Variants in ZBTB20 observed in about 807,000 individuals in gnomAD.
The protein encoded by ZBTB20 is zinc finger and BTB domain containing 20.
Under a neutral mutation model 56.9 loss-of-function variants are expected in ZBTB20, and 9 were observed. That is an observed-to-expected ratio of 0.16 (90% confidence interval 0.10 to 0.28). ZBTB20 has a LOEUF of 0.28. Among genes scored for constraint, ZBTB20 ranks in the 10% least tolerant of loss-of-function variants. The pLI, the probability that ZBTB20 is intolerant of heterozygous loss-of-function variation, is 1.00. For synonymous variants in ZBTB20, 417 were observed against 420.7 expected, an observed-to-expected ratio of 0.99 and a Z score of 0.11; for missense variants, 655 against 1,003.0, an observed-to-expected ratio of 0.65 and a Z score of 4.69.
intron 5 of ZBTB20, among the ~76,000 whole-genome samples, chr3:114,796,468 A>G (rs997335575): frequency 3.3e-5 from 5 of 152,016 alleles, no homozygotes; most frequent in Admixed American, 6.6e-5. Context: ...ATCTGAACAA[A>G]GGCGACATAA....
chr3:114,350,914 G>T lies in ZBTB20; in HGVS notation c.1164C>A (p.Asp388Glu). 1 of 1,606,194 alleles carries T rather than the reference G, an allele frequency of 6.2e-7. No homozygotes were observed. The highest frequency in any genetic ancestry group is 8.5e-7 in the Non-Finnish European group (1 of 1,179,948). The change falls in exon 11 of 12, where the codon GAC becomes GAA. Residue 388 changes from aspartate (D) to glutamate (E), a missense_variant. By Grantham distance (45) the Asp-to-Glu change is conservative. This residue lies in a region of ZBTB20 where 156 missense variants were observed against 181.0 expected (regional missense o/e 0.86). Transcript: ENST00000675478. ...CAGGCCCAAACTGCTGCTCCACCGAGTCAGGCTCGGTGCCTATGGAGGAGC... is the reference window on the plus strand; with the variant it reads ...CAGGCCCAAACTGCTGCTCCACCGATTCAGGCTCGGTGCCTATGGAGGAGC... The part of the protein sequence containing the change: ...GVSSSIGTEP[D>E]SVEQQFGPGA...
rs79879016 is a variant in ZBTB20 at position 114,716,113 on chromosome 3, C to T, written c.-342-22538G>A. The stretch of plus-strand genomic sequence containing the variant: ...TCTCCGTTCTCCTAAATCCACAATC[C>T]ATTCCCCCCTTTTTAAGGTAGAACA... On this transcript the variant is annotated intron_variant, in intron 5 of 11. Coordinates refer to ENST00000675478, the MANE Select transcript of ZBTB20 (RefSeq NM_001348800.3). Among the ~76,000 whole-genome samples, 149 of 152,264 alleles carry T rather than the reference C, an allele frequency of 9.8e-4. 2 individuals are homozygous for T. In the East Asian group the frequency reaches 0.025, roughly 25 times the overall value.
At chr3:114,831,274 T>C (rs1334918416) in intron 4 of ZBTB20, among the ~76,000 whole-genome samples, 1 of 151,794 alleles carries the variant, frequency 6.6e-6, no homozygotes, top group Non-Finnish European at 1.5e-5. Flanking sequence ...CAATACACAG[T>C]ATAGTGGATA....
At chr3:114,949,499 G>A (rs559277452) in intron 3 of ZBTB20, among the ~76,000 whole-genome samples, 9 of 146,480 alleles carry the variant, frequency 6.1e-5, no homozygotes, top group South Asian at 4.3e-4. Flanking sequence ...CAGGCGCGGC[G>A]GCTCATGCCT....
intron 4 of ZBTB20, among the ~76,000 whole-genome samples, chr3:114,829,147 T>C (rs79481209): frequency 0.054 from 8,166 of 151,862 alleles, 561 homozygotes; most frequent in African/African-American, 0.16. Flanking sequence ...CTGATGTATG[T>C]TATTCCCCAA....
At chr3:114,822,665 A>G (rs1460868944) in intron 4 of ZBTB20, among the ~76,000 whole-genome samples, 1 of 152,076 alleles carries the variant, frequency 6.6e-6, no homozygotes, top group Non-Finnish European at 1.5e-5. Flanking sequence ...AATCTTCACC[A>G]AATGAGAAAA....
intron 7 of ZBTB20, among the ~76,000 whole-genome samples, chr3:114,478,257 C>A (rs1209047548): frequency 1.3e-5 from 2 of 152,252 alleles, no homozygotes; most frequent in East Asian, 3.8e-4. Flanking sequence ...TGAGCCACCA[C>A]ACCCAGCCTA....
chr3:114,638,090 T>C (rs774995941), intron 6 of ZBTB20, among the ~76,000 whole-genome samples: 9 of 152,036 alleles, frequency 5.9e-5, no homozygotes, highest in Admixed American at 1.3e-4. Flanking sequence ...ATGACAAGTG[T>C]ATTCTCTAAT....
chr3:115,125,305 T>C (rs1384841793), intron 1 of ZBTB20, among the ~76,000 whole-genome samples: 1 of 150,466 alleles, frequency 6.6e-6, no homozygotes, highest in Non-Finnish European at 1.5e-5. Context: ...ATTGTGTCAC[T>C]GCACTGCAGC....
At chr3:114,960,582 GTAT>G (rs1187844950) in intron 3 of ZBTB20, among the ~76,000 whole-genome samples, 3 of 152,196 alleles carry the variant, frequency 2.0e-5, no homozygotes, top group Admixed American at 2.0e-4. Flanking sequence ...GATGTGTTGA[GTAT>G]TATATTTCAC....
chr3:115,031,781 T>C (rs2080693050), intron 2 of ZBTB20, among the ~76,000 whole-genome samples: 1 of 151,484 alleles, frequency 6.6e-6, no homozygotes, highest in Non-Finnish European at 1.5e-5. Flanking sequence ...TTAGTGTCAA[T>C]TGATATTAAA....
chr3:114,561,336 T>C (rs2052021540), intron 6 of ZBTB20, among the ~76,000 whole-genome samples: 1 of 152,194 alleles, frequency 6.6e-6, no homozygotes, highest in African/African-American at 2.4e-5. Flanking sequence ...GGTGGATACT[T>C]TCCAGAAGGT....
chr3:114,398,526 A>T (rs955248184), intron 7 of ZBTB20, among the ~76,000 whole-genome samples: 2 of 152,242 alleles, frequency 1.3e-5, no homozygotes, highest in East Asian at 3.9e-4. Flanking sequence ...GTGTCTAAGG[A>T]TGTGGATAAA....
intron 5 of ZBTB20, among the ~76,000 whole-genome samples, chr3:114,745,213 T>C (rs536352168): frequency 6.6e-6 from 1 of 152,294 alleles, no homozygotes; most frequent in Non-Finnish European, 1.5e-5. Flanking sequence ...GCTGCTCAGT[T>C]TAGAACAACA....
intron 11 of ZBTB20, among the ~76,000 whole-genome samples, chr3:114,345,905 G>A (rs1007862500): frequency 6.6e-6 from 1 of 152,086 alleles, no homozygotes; most frequent in African/African-American, 2.4e-5. Flanking sequence ...TGATGAAGGG[G>A]GTAGAGGGGA....
chr3:114,908,976 T>TA (rs1235508474), intron 3 of ZBTB20, among the ~76,000 whole-genome samples: 4 of 151,878 alleles, frequency 2.6e-5, no homozygotes, highest in African/African-American at 9.6e-5. Context: ...AATAAGTATT[T>TA]AAGAATGAAA....
intron 3 of ZBTB20, among the ~76,000 whole-genome samples, chr3:114,969,536 G>C (rs1007226007): frequency 6.6e-6 from 1 of 152,158 alleles, no homozygotes; most frequent in Non-Finnish European, 1.5e-5. Flanking sequence ...TCACAGGAAA[G>C]AGAAGGAATT....
At chr3:114,873,539 A>G (rs925189136) in intron 4 of ZBTB20, among the ~76,000 whole-genome samples, 1 of 152,172 alleles carries the variant, frequency 6.6e-6, no homozygotes, top group African/African-American at 2.4e-5. Context: ...AGTTTAGTAC[A>G]CCATCAATGA....
chr3:114,359,241 T>C (rs1269501993), intron 10 of ZBTB20: 1 of 152,218 alleles, frequency 6.6e-6, no homozygotes, highest in Non-Finnish European at 1.5e-5. Flanking sequence ...ATTCCAACCA[T>C]AAGTTAAAAC....
Sources: gnomAD v4.1 joint callset for allele counts (sites outside exome capture counted in the v4.1 genomes callset) on GRCh38, gnomAD v4.1.1 for gene constraint, gnomAD v4.1.1 regional missense constraint, MANE v1.5 for transcripts, NCBI Gene and HGNC (gene_info 2026-07-23, HGNC 2026-07-21) for gene names.